RPRD1A: variants seen among roughly 807,000 people sequenced by gnomAD.
RPRD1A encodes the protein regulation of nuclear pre-mRNA domain-containing protein 1A.
In RPRD1A, 9 loss-of-function variants were observed where a neutral mutation model predicts 37.8. That is an observed-to-expected ratio of 0.24 (90% CI 0.14 to 0.42). RPRD1A has a LOEUF of 0.42. Ranked by LOEUF, RPRD1A falls within the 10% of genes least tolerant of loss-of-function variation. The pLI is 1.00. For missense variants in RPRD1A, 255 were observed against 371.0 expected, an observed-to-expected ratio of 0.69 and a Z score of 2.57; for synonymous variants, 138 against 139.7, an observed-to-expected ratio of 0.99 and a Z score of 0.08.
chr18:36,006,408 G>A (rs764270389), intron 6 of RPRD1A, among the ~76,000 whole-genome samples: 1 of 152,126 alleles, frequency 6.6e-6, no homozygotes, highest in African/African-American at 2.4e-5. Flanking sequence ...TCTCAAACTC[G>A]TGGGCTCAAG....
chr18:36,008,520 G>A (rs1243763629), intron 6 of RPRD1A, among the ~76,000 whole-genome samples: 1 of 129,440 alleles, frequency 7.7e-6, no homozygotes, highest in Non-Finnish European at 1.6e-5. Context: ...AGGCTGCAGT[G>A]AGCCATGATT....
intron 6 of RPRD1A, among the ~76,000 whole-genome samples, chr18:36,023,567 A>G (rs967020427): frequency 6.6e-6 from 1 of 152,250 alleles, no homozygotes; most frequent in Non-Finnish European, 1.5e-5. Flanking sequence ...AATTGCTTCT[A>G]ATTTTGAAAG....
chr18:36,054,536 T>C (rs1410258038), intron 1 of RPRD1A, among the ~76,000 whole-genome samples: 1 of 152,060 alleles, frequency 6.6e-6, no homozygotes, highest in Admixed American at 6.6e-5. Context: ...TAAATCTAGA[T>C]GAAGTGCTCA....
chr18:36,040,893 A>G (rs1912536567), intron 1 of RPRD1A: 5 of 1,307,484 alleles, frequency 3.8e-6, no homozygotes, highest in Non-Finnish European at 5.2e-6. Context: ...ACAAGAAAAT[A>G]TTTACTACAC....
chr18:36,011,815 A>G (rs1229880293), intron 6 of RPRD1A, among the ~76,000 whole-genome samples: 1 of 152,248 alleles, frequency 6.6e-6, no homozygotes, highest in African/African-American at 2.4e-5. Flanking sequence ...ATGCCACAGT[A>G]AAGATTTTGT....
At chr18:36,014,914 G>T (rs1910409141) in intron 6 of RPRD1A, among the ~76,000 whole-genome samples, 1 of 151,988 alleles carries the variant, frequency 6.6e-6, no homozygotes, top group Admixed American at 6.6e-5. Context: ...TATACATTAG[G>T]ATAGCTACTA....
chr18:36,008,372 G>C (rs1909895277), intron 6 of RPRD1A, among the ~76,000 whole-genome samples: 1 of 151,338 alleles, frequency 6.6e-6, no homozygotes, highest in Admixed American at 6.6e-5. Flanking sequence ...GTGCCCAGGA[G>C]TCCAAGACCA....
intron 1 of RPRD1A, among the ~76,000 whole-genome samples, chr18:36,048,508 A>G (rs1278400339): frequency 6.6e-6 from 1 of 152,224 alleles, no homozygotes. Context: ...CACCACATTA[A>G]CAGACTAAAA....
Position 36,033,693 on chromosome 18 carries a change from A to G in RPRD1A, c.281+15T>C. The G allele has an allele frequency of 6.3e-7, 1 of 1,599,650 alleles. No individual in the cohort carries two copies. Among genetic ancestry groups the G allele is most frequent in the Non-Finnish European group, 8.5e-7 (1 of 1,174,336 alleles). On this transcript the variant is annotated intron_variant, in intron 2 of 6. Coordinates refer to ENST00000399022, the MANE Select transcript of RPRD1A (RefSeq NM_018170.5). Reference sequence around the variant, plus strand: ...TTTAAAACAGATTACCTAATACCCAAAACTATGATCATACCTTGAAACATG... The same window carrying G: ...TTTAAAACAGATTACCTAATACCCAGAACTATGATCATACCTTGAAACATG...
intron 1 of RPRD1A, among the ~76,000 whole-genome samples, chr18:36,063,599 T>G (rs1237537925): frequency 2.6e-5 from 4 of 152,250 alleles, no homozygotes; most frequent in African/African-American, 9.6e-5. Flanking sequence ...TAATATACTT[T>G]CAAGATTGAT....
At chr18:36,036,234 G>A (rs1331076642) in intron 1 of RPRD1A, among the ~76,000 whole-genome samples, 1 of 152,000 alleles carries the variant, frequency 6.6e-6, no homozygotes, top group Non-Finnish European at 1.5e-5. Flanking sequence ...CACCATGCCT[G>A]GCTAATTTTT....
intron 1 of RPRD1A, chr18:36,053,064 T>C (rs896369103): frequency 6.6e-6 from 1 of 151,218 alleles, no homozygotes; most frequent in Non-Finnish European, 1.5e-5. Context: ...CAGAGAGGAG[T>C]TGTCATGAGA....
chr18:36,028,563 T>C (rs1450756074), intron 4 of RPRD1A, among the ~76,000 whole-genome samples: 1 of 152,192 alleles, frequency 6.6e-6, no homozygotes, highest in African/African-American at 2.4e-5. Flanking sequence ...ATGCTTTAAT[T>C]ACAACCTGAT....
intron 6 of RPRD1A, among the ~76,000 whole-genome samples, chr18:36,020,781 T>C (rs1344772436): frequency 6.6e-6 from 1 of 151,758 alleles, no homozygotes; most frequent in Non-Finnish European, 1.5e-5. Context: ...GCCACTGTAC[T>C]CCAGTGTGGA....
chr18:36,022,540 C>CTA (rs1911064016), intron 6 of RPRD1A, among the ~76,000 whole-genome samples: 1 of 152,202 alleles, frequency 6.6e-6, no homozygotes, highest in Non-Finnish European at 1.5e-5. Flanking sequence ...CTGAATAATT[C>CTA]TAGAGTCCTT....
chr18:36,033,051 C>T (rs1245804878), intron 2 of RPRD1A, among the ~76,000 whole-genome samples: 1 of 152,026 alleles, frequency 6.6e-6, no homozygotes, highest in Non-Finnish European at 1.5e-5. Context: ...CGTTTGTAAT[C>T]CCAGCACTTT....
In RPRD1A at chr18:35,991,571, C is replaced by G. The variant is rs1908717400; in HGVS notation, c.*1580G>C. ...AGCTATCAGCGGTAGTGTTAGGGAA[C>G]CTAACTACTATTCTTTCTGTGAGAA... On this transcript the variant is annotated 3_prime_UTR_variant, in exon 7 of 7. Transcript: ENST00000399022. 1 of 152,160 alleles carries G rather than the reference C, an allele frequency of 6.6e-6. No individual in the cohort carries two copies. Among genetic ancestry groups the G allele is most frequent in the Non-Finnish European group, 1.5e-5 (1 of 68,030 alleles). The allele number at this position is 152,160 out of a possible 1,614,324, so 9.4% of individuals were successfully genotyped here. A position where few individuals can be genotyped will look rare whatever the true frequency, so the allele number is the denominator to read the frequency against.
intron 6 of RPRD1A, among the ~76,000 whole-genome samples, chr18:35,996,245 A>C (rs897750954): frequency 6.6e-6 from 1 of 152,142 alleles, no homozygotes; most frequent in Non-Finnish European, 1.5e-5. Context: ...GGTAAACCTA[A>C]AATTATTCTA....
At chr18:35,995,261 G>GTTTTTTTTTT (rs1232555714) in intron 6 of RPRD1A, among the ~76,000 whole-genome samples, 1 of 109,208 alleles carries the variant, frequency 9.2e-6, no homozygotes. Flanking sequence ...GCTTTTTTTC[G>GTTTTTTTTTT]TTTTTTTTTT....
Sources: gnomAD v4.1 joint callset for allele counts (sites outside exome capture counted in the v4.1 genomes callset) on GRCh38, gnomAD v4.1.1 for gene constraint, MANE v1.5 for transcripts, NCBI Gene and HGNC (gene_info 2026-07-23, HGNC 2026-07-21) for gene names.